Variants in KCNJ6 observed in about 807,000 individuals in gnomAD.
KCNJ6 encodes the protein potassium inwardly rectifying channel subfamily J member 6.
In KCNJ6, 9 loss-of-function variants were observed where a neutral mutation model predicts 34.2. The ratio of observed to expected loss-of-function variants is 0.26; its 90% CI spans 0.16 to 0.46. KCNJ6 has a LOEUF of 0.46. Among genes scored for constraint, KCNJ6 ranks in the 20% least tolerant of loss-of-function variants. The pLI is 1.00. For synonymous variants in KCNJ6, 196 were observed against 207.1 expected, an observed-to-expected ratio of 0.95 and a Z score of 0.46; for missense variants, 236 against 531.3, an observed-to-expected ratio of 0.44 and a Z score of 5.46.
intron 2 of KCNJ6, among the ~76,000 whole-genome samples, chr21:37,829,218 T>C (rs930150964): frequency 6.7e-6 from 1 of 149,942 alleles, no homozygotes; most frequent in African/African-American, 2.5e-5. Flanking sequence ...AGGTGGCAGA[T>C]TGTGGGAGGA....
intron 1 of KCNJ6, among the ~76,000 whole-genome samples, chr21:37,884,637 TCA>T (rs1176549604): frequency 6.6e-6 from 1 of 151,994 alleles, no homozygotes; most frequent in Non-Finnish European, 1.5e-5. Flanking sequence ...TCACAAAAAC[TCA>T]GAGTTCCATA....
rs138243295 is a variant in KCNJ6 at position 37,849,527 on chromosome 21, C to A, written c.-27-8818G>T. ...AATCCAAGTTCTAAGCAAACTGAGT[C>A]TTCCAACATCCACTCTGCACTCCCA... On this transcript the variant is annotated intron_variant, in intron 1 of 3. Coordinates refer to ENST00000609713, the MANE Select transcript of KCNJ6 (RefSeq NM_002240.5). Among the ~76,000 whole-genome samples, 1,389 of 152,276 alleles carry A rather than the reference C, an allele frequency of 9.1e-3. 9 individuals are homozygous for A. The highest frequency in any genetic ancestry group is 0.017 in the Middle Eastern group (5 of 294).
chr21:37,720,533 T>G (rs1275515388), intron 2 of KCNJ6, among the ~76,000 whole-genome samples: 1 of 152,176 alleles, frequency 6.6e-6, no homozygotes, highest in East Asian at 1.9e-4. Flanking sequence ...GCCTGGGGGC[T>G]GGGGGCGCTG....
chr21:37,791,318 G>A (rs2055215849), intron 2 of KCNJ6, among the ~76,000 whole-genome samples: 1 of 152,236 alleles, frequency 6.6e-6, no homozygotes, highest in African/African-American at 2.4e-5. Flanking sequence ...CTGACCTGGG[G>A]TTTGTGAACC....
chr21:37,762,397 CT>C (rs2055069978), intron 2 of KCNJ6, among the ~76,000 whole-genome samples: 1 of 152,088 alleles, frequency 6.6e-6, no homozygotes, highest in Non-Finnish European at 1.5e-5. Flanking sequence ...AGGCTTCCTG[CT>C]CGTCATTAGA....
At chr21:37,876,857 T>C (rs2055681193) in intron 1 of KCNJ6, among the ~76,000 whole-genome samples, 1 of 152,138 alleles carries the variant, frequency 6.6e-6, no homozygotes, top group Non-Finnish European at 1.5e-5. Flanking sequence ...ACATTAAACC[T>C]GAGGCAAGAC....
intron 1 of KCNJ6, among the ~76,000 whole-genome samples, chr21:37,844,152 G>A (rs941208412): frequency 3.3e-5 from 5 of 150,942 alleles, no homozygotes; most frequent in African/African-American, 4.9e-5. Flanking sequence ...TCCGCCTCCC[G>A]GGTTCAAGCA....
chr21:37,850,586 G>A (rs1210280159), intron 1 of KCNJ6, among the ~76,000 whole-genome samples: 3 of 152,028 alleles, frequency 2.0e-5, no homozygotes, highest in African/African-American at 7.2e-5. Flanking sequence ...CTGGTCCGTG[G>A]AAAAATTGTC....
chr21:37,792,613 T>A (rs1267954073), intron 2 of KCNJ6, among the ~76,000 whole-genome samples: 1 of 152,208 alleles, frequency 6.6e-6, no homozygotes, highest in East Asian at 1.9e-4. Context: ...ATGCTTATTG[T>A]CTCATCCACT....
At chr21:37,876,240 C>A (rs531988212) in intron 1 of KCNJ6, among the ~76,000 whole-genome samples, 2 of 152,276 alleles carry the variant, frequency 1.3e-5, no homozygotes, top group South Asian at 4.1e-4. Flanking sequence ...TCATTTCACA[C>A]TCACCAGACA....
intron 3 of KCNJ6, among the ~76,000 whole-genome samples, chr21:37,693,020 G>A (rs557092323): frequency 4.2e-4 from 64 of 152,176 alleles, no homozygotes; most frequent in African/African-American, 1.4e-3. Flanking sequence ...AGTGACTGCC[G>A]CACCCTGTGT....
At chr21:37,690,452 A>G (rs1352143911) in intron 3 of KCNJ6, among the ~76,000 whole-genome samples, 1 of 152,192 alleles carries the variant, frequency 6.6e-6, no homozygotes, top group Non-Finnish European at 1.5e-5. Context: ...TTTCACCTCC[A>G]GCCAATGTCT....
chr21:37,871,775 T>C (rs2055653552), intron 1 of KCNJ6, among the ~76,000 whole-genome samples: 1 of 152,214 alleles, frequency 6.6e-6, no homozygotes, highest in Non-Finnish European at 1.5e-5. Context: ...CACAGAAGTT[T>C]GGTATTGTGG....
At chr21:37,778,369 C>T (rs965313370) in intron 2 of KCNJ6, among the ~76,000 whole-genome samples, 20 of 152,188 alleles carry the variant, frequency 1.3e-4, no homozygotes, top group Non-Finnish European at 2.5e-4. Context: ...ACATAACCAC[C>T]TCTTAATAGA....
Position 37,776,983 on chromosome 21 carries a change from T to C in KCNJ6, c.26-61852A>G, listed in dbSNP as rs1447396894. 4.6e-5 allele frequency among the ~76,000 whole-genome samples: 7 copies of C among 152,302 alleles called. No homozygotes were observed. The South Asian group carries it at 1.4e-3, about 32-fold the overall frequency. Reference sequence around the variant, plus strand: ...GCTGTGAATCCGTCTGGTCCTGGACTTTTTTTGGTTGGTAAGCTATTAATT... The same window carrying C: ...GCTGTGAATCCGTCTGGTCCTGGACCTTTTTTGGTTGGTAAGCTATTAATT... On this transcript the variant is annotated intron_variant, in intron 2 of 3. Coordinates refer to ENST00000609713, the MANE Select transcript of KCNJ6 (RefSeq NM_002240.5).
chr21:37,892,061 T>G (rs907937290), intron 1 of KCNJ6, among the ~76,000 whole-genome samples: 5 of 152,216 alleles, frequency 3.3e-5, no homozygotes, highest in African/African-American at 1.2e-4. Flanking sequence ...TTGTGATTCT[T>G]CTTTAAATCA....
At chr21:37,688,508 G>C (rs1201657677) in intron 3 of KCNJ6, among the ~76,000 whole-genome samples, 2 of 152,130 alleles carry the variant, frequency 1.3e-5, no homozygotes, top group Non-Finnish European at 2.9e-5. Flanking sequence ...AATCAGATCA[G>C]TCAGTCAAGG....
intron 3 of KCNJ6, among the ~76,000 whole-genome samples, chr21:37,674,526 G>A (rs1000215720): frequency 6.6e-5 from 10 of 150,980 alleles, no homozygotes; most frequent in Admixed American, 5.3e-4. Context: ...TGGCTCCGCC[G>A]AGTCAGGCCT....
intron 3 of KCNJ6, among the ~76,000 whole-genome samples, chr21:37,707,735 G>GTGTGTGTGTATGTGTGC (rs1267356647): frequency 3.3e-5 from 5 of 149,796 alleles, no homozygotes; most frequent in Admixed American, 1.3e-4. Context: ...GTGTGTGTGT[G>GTGTGTGTGTATGTGTGC]AATAATTTAC....
Sources: allele counts gnomAD v4.1 joint callset (sites outside exome capture counted in the v4.1 genomes callset), GRCh38; gene constraint gnomAD v4.1.1; transcripts MANE v1.5; gene names NCBI Gene and HGNC (gene_info 2026-07-23, HGNC 2026-07-21).